MAMDC2: variants seen among roughly 807,000 people sequenced by gnomAD.
MAMDC2 encodes the protein MAM domain-containing protein 2.
Under a neutral mutation model 89.8 loss-of-function variants are expected in MAMDC2, and 57 were observed. That is an observed-to-expected ratio of 0.63 (90% CI 0.51 to 0.79). MAMDC2 has a LOEUF of 0.79. Ranked by LOEUF, MAMDC2 falls within the 30% of genes least tolerant of loss-of-function variation. The pLI, the probability that MAMDC2 is intolerant of heterozygous loss-of-function variation, is 0.00. For missense variants in MAMDC2, 800 were observed against 820.6 expected (o/e 0.97, Z 0.31); for synonymous variants, 313 against 293.4 (o/e 1.07, Z -0.68).
At chr9:70,112,771 T>TGGAA (rs1828543227) in intron 4 of MAMDC2, among the ~76,000 whole-genome samples, 1 of 152,094 alleles carries the variant, frequency 6.6e-6, no homozygotes, top group Non-Finnish European at 1.5e-5. Flanking sequence ...GGCTAATAAG[T>TGGAA]GGAAGGGCCA....
chr9:70,169,325 G>T (rs1255536773), intron 10 of MAMDC2, among the ~76,000 whole-genome samples: 1 of 152,060 alleles, frequency 6.6e-6, no homozygotes, highest in Admixed American at 6.6e-5. Flanking sequence ...CATACATTAC[G>T]CCTAATGAGA....
chr9:70,186,000 A>G (rs2032747499), intron 11 of MAMDC2, among the ~76,000 whole-genome samples: 1 of 152,180 alleles, frequency 6.6e-6, no homozygotes, highest in Admixed American at 6.5e-5. Flanking sequence ...CTATTTGGCC[A>G]TCTTGCCAGA....
At chr9:70,172,568 TTC>T (rs1251881015) in intron 11 of MAMDC2, 1 of 152,764 alleles carries the variant, frequency 6.5e-6, no homozygotes, top group Admixed American at 6.5e-5. Context: ...ACATAGATTT[TTC>T]TGTTTGGGTT....
At chr9:70,179,168 TA>T (rs200142340) in intron 11 of MAMDC2, among the ~76,000 whole-genome samples, 1,679 of 152,222 alleles carry the variant, frequency 0.011, 35 homozygotes, top group African/African-American at 0.039. Context: ...TTATCAAAAT[TA>T]CCTGTAACTA....
intron 4 of MAMDC2, among the ~76,000 whole-genome samples, chr9:70,112,405 C>G (rs542753009): frequency 6.6e-6 from 1 of 152,232 alleles, no homozygotes; most frequent in Admixed American, 6.5e-5. Context: ...CCTATTTTAC[C>G]TGGGTTCTGA....
rs189196054 is a variant in MAMDC2, at chr9:70,214,452, T to C, written c.1652-3885T>C. Among the ~76,000 whole-genome samples, 6 of 152,230 alleles carry C rather than the reference T, an allele frequency of 3.9e-5. No homozygotes were observed. The East Asian group carries it at 1.2e-3, about 29-fold the overall frequency. ...ACACAGTAAGTGAGGAGAAAGCCAG[T>C]AGGAATGAGACAGGTAAGAGAATAG... is the stretch of plus-strand genomic sequence containing the variant. On this transcript the variant is annotated intron_variant, in intron 11 of 13. Transcript: ENST00000377182.
intron 11 of MAMDC2, among the ~76,000 whole-genome samples, chr9:70,198,578 TAA>T (rs1230420721): frequency 6.6e-6 from 1 of 152,016 alleles, no homozygotes; most frequent in Non-Finnish European, 1.5e-5. Context: ...GTGAATAGAT[TAA>T]AAGTCATTCA....
chr9:70,051,014 G>A (rs751225153), intron 2 of MAMDC2, among the ~76,000 whole-genome samples: 17 of 152,200 alleles, frequency 1.1e-4, no homozygotes, highest in Non-Finnish European at 2.1e-4. Context: ...CAGCCTGCTA[G>A]TGCCTCAGCA....
chr9:70,194,250 C>A (rs1563994403), intron 11 of MAMDC2: 1 of 152,046 alleles, frequency 6.6e-6, no homozygotes, highest in Non-Finnish European at 1.5e-5. Flanking sequence ...ATAAAGATAA[C>A]AATCAGTGAC....
At chr9:70,077,651 A>G (rs967191541) in intron 2 of MAMDC2, among the ~76,000 whole-genome samples, 8 of 152,196 alleles carry the variant, frequency 5.3e-5, no homozygotes, top group South Asian at 2.1e-4. Context: ...AGAAATTGAG[A>G]TGATGGTAGT....
intron 7 of MAMDC2, among the ~76,000 whole-genome samples, 198 bp from the exon 8 acceptor site, chr9:70,139,947 G>A (rs1292376768): frequency 6.6e-6 from 1 of 152,100 alleles, no homozygotes; most frequent in East Asian, 1.9e-4. Context: ...GAAAGGAAAA[G>A]AACAATTTTC....
At chr9:70,087,856 G>A (rs1827804684) in intron 2 of MAMDC2, among the ~76,000 whole-genome samples, 1 of 152,284 alleles carries the variant, frequency 6.6e-6, no homozygotes, top group African/African-American at 2.4e-5. Flanking sequence ...CCATTGCAGA[G>A]CTGCCTGCAC....
In MAMDC2 at chr9:70,218,406, T is replaced by C. The variant is rs777524016; in HGVS notation, c.1721T>C (p.Leu574Pro). 1.8e-5 allele frequency: 29 copies of C among 1,614,090 alleles called. No homozygotes were observed. Among genetic ancestry groups the C allele is most frequent in the Non-Finnish European group, 2.5e-5 (29 of 1,180,024 alleles). Residue 574 changes from leucine (L) to proline (P), a missense_variant, in exon 12 of 14, where the codon CTG becomes CCG. Leu to Pro is a moderately conservative substitution (Grantham distance 98). Transcript: ENST00000377182. ...AAAGCACGCCTCTTGTCCAGGCCTC[T>C]GCGAGGAGTCTCTGGAAAACACTGC... ...GQKARLLSRPLRGVSGKHCLT... is the reference protein window; with the variant it reads ...GQKARLLSRPPRGVSGKHCLT...
rs879197751 is a variant in MAMDC2 at position 70,126,187 on chromosome 9, T to C, written c.672T>C (p.Tyr224=). ...LGHYMYVDSV[Y]VKHFQEVAQL... The stretch of plus-strand genomic sequence containing the variant: ...ACTACATGTACGTGGACTCAGTTTA[T>C]GTGAAGCACTTCCAGGAGGTGGCAC... Residue 224 remains tyrosine (Y), a synonymous_variant, in exon 6 of 14, where the codon TAT becomes TAC. Coordinates refer to ENST00000377182, the MANE Select transcript of MAMDC2 (RefSeq NM_153267.5). 24 of 1,613,850 alleles carry C rather than the reference T, an allele frequency of 1.5e-5. No individual in the cohort carries two copies. Among genetic ancestry groups the C allele is most frequent in the Non-Finnish European group, 1.9e-5 (22 of 1,179,978 alleles).
intron 11 of MAMDC2, among the ~76,000 whole-genome samples, chr9:70,184,789 T>C (rs2032716157): frequency 1.3e-5 from 2 of 152,238 alleles, no homozygotes; most frequent in Non-Finnish European, 2.9e-5. Flanking sequence ...TGTAACCTTT[T>C]ATCAAGGTTC....
intron 11 of MAMDC2, among the ~76,000 whole-genome samples, chr9:70,206,809 G>A (rs1411404717): frequency 3.9e-5 from 6 of 152,098 alleles, no homozygotes; most frequent in African/African-American, 1.4e-4. Context: ...GCCCCGGTGT[G>A]TGATGTTCCC....
intron 12 of MAMDC2, among the ~76,000 whole-genome samples, chr9:70,221,380 T>TAGAGAGAGAGAGAGAGAG (rs58804811): frequency 6.0e-3 from 42 of 7,006 alleles, no homozygotes; most frequent in South Asian, 0.016. Flanking sequence ...TATATATATA[T>TAGAGAGAGAGAGAGAGAG]AGAGAGAGAG....
chr9:70,185,658 C>T (rs2032739004), intron 11 of MAMDC2, among the ~76,000 whole-genome samples: 1 of 152,204 alleles, frequency 6.6e-6, no homozygotes, highest in Non-Finnish European at 1.5e-5. Flanking sequence ...CCAGTCTGAA[C>T]TTCCTGGCCT....
chr9:70,152,716 C>T (rs1191788583), intron 9 of MAMDC2, among the ~76,000 whole-genome samples: 1 of 152,022 alleles, frequency 6.6e-6, no homozygotes, highest in Non-Finnish European at 1.5e-5. Context: ...ACTTTGGCTC[C>T]TAGGAGGGGT....
Sources: allele counts gnomAD v4.1 joint callset (sites outside exome capture counted in the v4.1 genomes callset), GRCh38; gene constraint gnomAD v4.1.1; transcripts MANE v1.5; gene names NCBI Gene and HGNC (gene_info 2026-07-23, HGNC 2026-07-21).